Variants in COL24A1 observed in about 807,000 individuals in gnomAD.
COL24A1 encodes collagen alpha-1(XXIV) chain.
In COL24A1, 224 loss-of-function variants were observed where a neutral mutation model predicts 253.9. That is an observed-to-expected ratio of 0.88 (90% CI 0.79 to 0.99). COL24A1 has a LOEUF of 0.99. Among genes scored for constraint, COL24A1 ranks in the 50% least tolerant of loss-of-function variants. The pLI is 0.00. For synonymous variants in COL24A1, 685 were observed against 673.7 expected (o/e 1.02, Z -0.26); for missense variants, 2,131 against 2,068.5 (o/e 1.03, Z -0.59).
At chr1:86,110,427 C>A (rs1705431290) in intron 5 of COL24A1, among the ~76,000 whole-genome samples, 1 of 152,054 alleles carries the variant, frequency 6.6e-6, no homozygotes, top group South Asian at 2.1e-4. Context: ...TTGCTTTTGG[C>A]GCCTTCTTGG....
intron 12 of COL24A1, among the ~76,000 whole-genome samples, chr1:86,040,934 C>T (rs1335424511): frequency 6.6e-6 from 1 of 152,072 alleles, no homozygotes; most frequent in African/African-American, 2.4e-5. Context: ...ATCTGAGATG[C>T]TACTATGCAA....
chr1:86,053,120 T>C (rs757570400), intron 10 of COL24A1, among the ~76,000 whole-genome samples: 2 of 152,134 alleles, frequency 1.3e-5, no homozygotes, highest in Admixed American at 6.6e-5. Context: ...GTATTTCTGA[T>C]ACTAGAGCAT....
Position 85,987,582 on chromosome 1 carries a change from C to CTCTTCT in COL24A1, c.2364+13_2364+18dup. 3.9e-6 allele frequency: 6 copies of CTCTTCT among 1,520,992 alleles called. No homozygotes were observed. Among genetic ancestry groups the CTCTTCT allele is most frequent in the Non-Finnish European group, 5.4e-6 (6 of 1,108,740 alleles). The allele number at this position is 1,520,992 out of a possible 1,614,324, so 94.2% of individuals were successfully genotyped here. A position where few individuals can be genotyped will look rare whatever the true frequency, so the allele number is the denominator to read the frequency against. On this transcript the variant is annotated intron_variant, in intron 20 of 59. Coordinates refer to ENST00000370571, the MANE Select transcript of COL24A1 (RefSeq NM_152890.7). ...AGATAACCATAATTGTTTAGTCTCT[C>CTCTTCT]TCTTCTTCTTCTTCTTACCTTTGGT...
chr1:86,069,228 T>C (rs967249660), intron 7 of COL24A1, among the ~76,000 whole-genome samples: 1 of 152,066 alleles, frequency 6.6e-6, no homozygotes, highest in African/African-American at 2.4e-5. Context: ...GTCCCTACTG[T>C]GCTGAAGGAT....
chr1:85,817,468 CAAGTCACCCA>C (rs1215980776), intron 46 of COL24A1, among the ~76,000 whole-genome samples: 1 of 151,428 alleles, frequency 6.6e-6, no homozygotes, highest in Non-Finnish European at 1.5e-5. Context: ...CAAGCCAATA[CAAGTCACCCA>C]AAGCAGGCAT....
chr1:85,993,793 T>C (rs1694519637), intron 19 of COL24A1, among the ~76,000 whole-genome samples: 1 of 152,082 alleles, frequency 6.6e-6, no homozygotes, highest in Non-Finnish European at 1.5e-5. Flanking sequence ...TGCTTTATGG[T>C]AGGCAACATT....
chr1:86,059,214 A>T (rs1039440855), intron 8 of COL24A1, 40 bp from the exon 9 acceptor site: 8 of 1,469,078 alleles, frequency 5.4e-6, no homozygotes, highest in Non-Finnish European at 6.5e-6. Flanking sequence ...GCAAAGCCAA[A>T]GGAAACAAAT....
chr1:86,139,444 C>T (rs985128874), intron 2 of COL24A1, among the ~76,000 whole-genome samples: 5 of 152,076 alleles, frequency 3.3e-5, no homozygotes, highest in Admixed American at 6.6e-5. Context: ...TGTCAATATT[C>T]AGCGATAGTC....
At chr1:85,741,193 T>G (rs1159743907) in intron 57 of COL24A1, among the ~76,000 whole-genome samples, 1 of 151,980 alleles carries the variant, frequency 6.6e-6, no homozygotes, top group East Asian at 1.9e-4. Flanking sequence ...ACTTGCAGAT[T>G]TAAATTCTAC....
At chr1:85,788,833 CTTGT>C (rs1669979287) in intron 47 of COL24A1, among the ~76,000 whole-genome samples, 1 of 152,130 alleles carries the variant, frequency 6.6e-6, no homozygotes, top group South Asian at 2.1e-4. Flanking sequence ...TTCCACATTG[CTTGT>C]TTTTGTCAGG....
Position 85,879,249 on chromosome 1 carries a change from GT to G in COL24A1, c.2977-2075del, listed in dbSNP as rs1681547240. Among the ~76,000 whole-genome samples the G allele has an allele frequency of 3.9e-5, 3 of 77,224 alleles. No homozygotes were observed. In the South Asian group the frequency reaches 7.6e-4, roughly 20 times the overall value. The allele number at this position is 77,224 out of a possible 152,430, so 50.7% of individuals were successfully genotyped here. ...TAAGTCTATGATTCATTTTGAGGGT[GT>G]GTGTGTGTGTGTGTGTGTGTGTGTG... On this transcript the variant is annotated intron_variant, in intron 32 of 59. Transcript: ENST00000370571.
chr1:85,772,457 G>T (rs976337474), intron 53 of COL24A1, among the ~76,000 whole-genome samples: 32 of 152,028 alleles, frequency 2.1e-4, no homozygotes, highest in African/African-American at 7.7e-4. Context: ...CCATTACTGG[G>T]TATATACCCA....
At chr1:85,755,239 A>G (rs1293920066) in intron 55 of COL24A1, among the ~76,000 whole-genome samples, 5 of 152,212 alleles carry the variant, frequency 3.3e-5, no homozygotes. Flanking sequence ...ATATATTCCC[A>G]GTTAAATAAA....
intron 45 of COL24A1, among the ~76,000 whole-genome samples, chr1:85,820,120 T>A (rs1027061925): frequency 2.0e-5 from 3 of 152,152 alleles, no homozygotes; most frequent in African/African-American, 7.2e-5. Context: ...AGTGCTGGAA[T>A]TACAGGCATG....
At chr1:86,094,566 C>A (rs770143815) in intron 5 of COL24A1, among the ~76,000 whole-genome samples, 16 of 151,930 alleles carry the variant, frequency 1.1e-4, no homozygotes, top group Non-Finnish European at 1.9e-4. Flanking sequence ...GTACAAGAAA[C>A]CCCTAATGAC....
chr1:85,896,280 T>C, intron 29 of COL24A1, 76 bp downstream of exon 29: 1 of 1,385,384 alleles, frequency 7.2e-7, no homozygotes, highest in Non-Finnish European at 1.0e-6. Flanking sequence ...GGGAAATATA[T>C]TGTTTTTTAG....
intron 43 of COL24A1, among the ~76,000 whole-genome samples, chr1:85,836,456 T>C (rs567120077): frequency 6.6e-6 from 1 of 152,284 alleles, no homozygotes; most frequent in Non-Finnish European, 1.5e-5. Context: ...TTTAGCAGAG[T>C]GAAATCATAG....
chr1:85,865,050 T>C (rs564000732), intron 37 of COL24A1, among the ~76,000 whole-genome samples: 4 of 152,220 alleles, frequency 2.6e-5, no homozygotes, highest in African/African-American at 9.6e-5. Context: ...TTTAAAGAAA[T>C]CTAACTCCTG....
chr1:86,080,342 C>A (rs1278332030), intron 7 of COL24A1, among the ~76,000 whole-genome samples: 6 of 151,914 alleles, frequency 3.9e-5, no homozygotes, highest in Non-Finnish European at 7.4e-5. Flanking sequence ...AGAATAGTTA[C>A]AAAGAATGAA....
Sources: gnomAD v4.1 joint callset for allele counts (sites outside exome capture counted in the v4.1 genomes callset) on GRCh38, gnomAD v4.1.1 for gene constraint, MANE v1.5 for transcripts, NCBI Gene and HGNC (gene_info 2026-07-23, HGNC 2026-07-21) for gene names.